PEMT: variants seen among roughly 807,000 people sequenced by gnomAD.
PEMT encodes phospholipid methyltransferase.
In PEMT, 23 loss-of-function variants were observed where a neutral mutation model predicts 27.4. That is an observed-to-expected ratio of 0.84 (90% CI 0.60 to 1.19). The LOEUF (loss-of-function observed/expected upper bound fraction) is 1.19, where lower values mean the gene tolerates loss of function less well. PEMT is among the 50% of genes most tolerant of loss of function. PEMT has a pLI of 0.00. For missense variants in PEMT, 307 were observed against 310.1 expected (o/e 0.99, Z 0.07); for synonymous variants, 137 against 139.1 (o/e 0.98, Z 0.11).
At position 17,576,814 on chromosome 17, in the gene PEMT, G is replaced by C. The variant is rs999859505; in HGVS notation, c.204+106C>G. On this transcript the variant is annotated intron_variant, in intron 2 of 6. Coordinates refer to ENST00000255389, the MANE Select transcript of PEMT (RefSeq NM_148172.3). ...AGACACGGGAGGGAAGAGCAGAGCTGTCTGTCTGTCTGGCCAGCCAGCAGC... is the reference window on the plus strand; with the variant it reads ...AGACACGGGAGGGAAGAGCAGAGCTCTCTGTCTGTCTGGCCAGCCAGCAGC... 7 of 837,000 alleles carry C rather than the reference G, an allele frequency of 8.4e-6. No homozygotes were observed. In the African/African-American group the frequency reaches 1.2e-4, roughly 14 times the overall value. 51.8% of individuals were successfully genotyped at this position (837,000 alleles called of 1,614,324 possible).
At chr17:17,547,287 C>T (rs1483563409) in intron 2 of PEMT, among the ~76,000 whole-genome samples, 1 of 152,246 alleles carries the variant, frequency 6.6e-6, no homozygotes, top group African/African-American at 2.4e-5. Context: ...CAGATCTGTT[C>T]TTCAGGTAGC....
intron 2 of PEMT, among the ~76,000 whole-genome samples, chr17:17,545,270 A>G (rs1909175923): frequency 6.6e-6 from 1 of 152,142 alleles, no homozygotes; most frequent in Admixed American, 6.5e-5. Context: ...CACACCTTGA[A>G]GCCCCTCACC....
At chr17:17,591,918 C>A, upstream of PEMT, 1 of 985,468 alleles carries the variant, frequency 1.0e-6, no homozygotes, top group Non-Finnish European at 1.2e-6. Context: ...TCCGGCCTCC[C>A]GCCCAGTGCC....
chr17:17,512,750 G>A lies in PEMT; in HGVS notation c.321-96C>T, dbSNP rs1310234448. 2.4e-6 allele frequency: 3 copies of A among 1,226,068 alleles called. No homozygotes were observed. Among genetic ancestry groups the A allele is most frequent in the Non-Finnish European group, 3.2e-6 (3 of 940,392 alleles). The allele number at this position is 1,226,068 out of a possible 1,614,324, so 75.9% of individuals were successfully genotyped here. A position where few individuals can be genotyped will look rare whatever the true frequency, so the allele number is the denominator to read the frequency against. On this transcript the variant is annotated intron_variant, in intron 3 of 6. Coordinates refer to ENST00000255389, the MANE Select transcript of PEMT (RefSeq NM_148172.3). This position sits in a 1 kb window ranked among gnomAD's most constrained non-coding sequence, Gnocchi z 6.3. ...CTCATCTTCTCGCCCTCTCCCCAGG[G>A]ACCCTTAGAGAGTAGCCAGCCCAGG...
At chr17:17,553,324 G>T (rs1909797428) in intron 2 of PEMT, among the ~76,000 whole-genome samples, 1 of 152,188 alleles carries the variant, frequency 6.6e-6, no homozygotes, top group Non-Finnish European at 1.5e-5. Flanking sequence ...CCAGAACTTG[G>T]CTGCGGGGAT....
chr17:17,515,908 C>T (rs1304274879), intron 3 of PEMT, among the ~76,000 whole-genome samples: 1 of 152,176 alleles, frequency 6.6e-6, no homozygotes, highest in African/African-American at 2.4e-5. Flanking sequence ...AGGCTGTCTG[C>T]ACTCTGCTCC....
rs149998493 is a variant in PEMT, at chr17:17,527,279, C to T, written c.205-4884G>A. Among the ~76,000 whole-genome samples the T allele has an allele frequency of 1.1e-3, 168 of 152,292 alleles. 1 individual carries two copies. Among genetic ancestry groups the T allele is most frequent in the African/African-American group, 3.7e-3 (152 of 41,574 alleles). On this transcript the variant is annotated intron_variant, in intron 2 of 6. Transcript: ENST00000255389. Reference sequence around the variant, plus strand: ...CTCAAACTCCCGACCTCAGGTGATCCGCCCGCCTCGGCCTCTCAAAGTGCT... The same window carrying T: ...CTCAAACTCCCGACCTCAGGTGATCTGCCCGCCTCGGCCTCTCAAAGTGCT...
At chr17:17,540,609 C>T (rs1396724892) in intron 2 of PEMT, among the ~76,000 whole-genome samples, 1 of 152,188 alleles carries the variant, frequency 6.6e-6, no homozygotes, top group African/African-American at 2.4e-5. Flanking sequence ...GCCCAACTTC[C>T]AGGCAGCTGC....
intron 3 of PEMT, among the ~76,000 whole-genome samples, chr17:17,519,606 G>T (rs1192803156): frequency 6.6e-6 from 1 of 152,184 alleles, no homozygotes; most frequent in Non-Finnish European, 1.5e-5. Context: ...ACAGCACTCG[G>T]CTGGGGCCTG....
chr17:17,553,480 TTGTGGTGCCAC>T (rs1235828578), intron 2 of PEMT, among the ~76,000 whole-genome samples: 1 of 152,216 alleles, frequency 6.6e-6, no homozygotes, highest in Non-Finnish European at 1.5e-5. Context: ...CCGGGTCTGC[TTGTGGTGCCAC>T]TGTCCCAGAA....
intron 2 of PEMT, among the ~76,000 whole-genome samples, chr17:17,546,597 G>A (rs934633489): frequency 6.6e-6 from 1 of 152,210 alleles, no homozygotes; most frequent in African/African-American, 2.4e-5. Context: ...TAGGAAGAGT[G>A]GCCTGGCCAC....
chr17:17,584,729 C>T (rs1445801786), intron 1 of PEMT, among the ~76,000 whole-genome samples: 3 of 152,252 alleles, frequency 2.0e-5, no homozygotes, highest in East Asian at 3.8e-4. Context: ...AGCCAGCCAA[C>T]CTTCACTCGG....
At chr17:17,560,276 T>C (rs1910380039) in intron 2 of PEMT, among the ~76,000 whole-genome samples, 2 of 152,270 alleles carry the variant, frequency 1.3e-5, no homozygotes, top group South Asian at 2.1e-4. Context: ...AGGAGAAATG[T>C]GCCCTGGGCC....
chr17:17,587,389 A>G (rs1362006890), intron 1 of PEMT, among the ~76,000 whole-genome samples: 1 of 152,208 alleles, frequency 6.6e-6, no homozygotes, highest in Non-Finnish European at 1.5e-5. Flanking sequence ...ATAATCCTTT[A>G]TCTTTTAAAG....
rs1031904332 is a variant in PEMT, at chr17:17,587,801, G to A, written c.96+3730C>T. Among the ~76,000 whole-genome samples, 8 of 152,124 alleles carry A rather than the reference G, an allele frequency of 5.3e-5. No homozygotes were observed. The South Asian group carries it at 1.2e-3, about 24-fold the overall frequency. ...TGAGGTGGGGGAATTGCTTGAACTC[G>A]GGAGGCGGAGGTTGCAATGAGCTGG... On this transcript the variant is annotated intron_variant, in intron 1 of 6. Coordinates refer to ENST00000255389, the MANE Select transcript of PEMT (RefSeq NM_148172.3).
intron 2 of PEMT, among the ~76,000 whole-genome samples, chr17:17,569,949 C>T (rs1911075927): frequency 6.6e-6 from 1 of 152,188 alleles, no homozygotes. Context: ...GAGCCTGCTA[C>T]AAATGACTGC....
Position 17,520,583 on chromosome 17 carries a change from T to A in PEMT, c.320+1697A>T, listed in dbSNP as rs70963012. ...CGGAGAGCCTAGAAGATTGTAAGCA[T>A]GCAGGCTGTGCAGACGCACAGGCCC... On this transcript the variant is annotated intron_variant, in intron 3 of 6. Coordinates refer to ENST00000255389, the MANE Select transcript of PEMT (RefSeq NM_148172.3). 9.3e-3 allele frequency among the ~76,000 whole-genome samples: 1,414 copies of A among 152,340 alleles called. 4 individuals carry two copies. The highest frequency in any genetic ancestry group is 0.026 in the South Asian group (125 of 4,830).
At chr17:17,559,876 C>T (rs563567664) in intron 2 of PEMT, among the ~76,000 whole-genome samples, 9 of 152,358 alleles carry the variant, frequency 5.9e-5, no homozygotes, top group African/African-American at 9.6e-5. Context: ...GCTGGAGCCC[C>T]GCTGCACGGC....
chr17:17,522,616 GACA>G (rs1413192056), intron 2 of PEMT, among the ~76,000 whole-genome samples: 1 of 152,192 alleles, frequency 6.6e-6, no homozygotes, highest in Admixed American at 6.5e-5. Context: ...CATCTGGACG[GACA>G]ACAAGGTCCT....
Sources: gnomAD v4.1 joint callset for allele counts (sites outside exome capture counted in the v4.1 genomes callset) on GRCh38, gnomAD v4.1.1 for gene constraint, Gnocchi (gnomAD v3.1) non-coding constraint, MANE v1.5 for transcripts, NCBI Gene and HGNC (gene_info 2026-07-23, HGNC 2026-07-21) for gene names.